The following DYM variants were observed in gnomAD, a reference collection of about 807,000 sequenced individuals.
The protein encoded by DYM is dymeclin.
In DYM, 78 loss-of-function variants were observed where a neutral mutation model predicts 93.1. The ratio of observed to expected loss-of-function variants is 0.84; its 90% CI spans 0.70 to 1.01. The LOEUF (loss-of-function observed/expected upper bound fraction) is 1.01, where lower values mean the gene tolerates loss of function less well. Ranked by LOEUF, DYM falls within the 50% of genes least tolerant of loss-of-function variation. The pLI, the probability that DYM is intolerant of heterozygous loss-of-function variation, is 0.00. For missense variants in DYM, 789 were observed against 845.0 expected (o/e 0.93, Z 0.82); for synonymous variants, 321 against 319.7 (o/e 1.00, Z -0.04).
intron 13 of DYM, among the ~76,000 whole-genome samples, chr18:49,217,756 A>G (rs1047085039): frequency 6.6e-6 from 1 of 152,228 alleles, no homozygotes; most frequent in African/African-American, 2.4e-5. Context: ...TGAAGGAAGC[A>G]CTAAACATGG....
chr18:49,353,738 G>A (rs1206351273), intron 6 of DYM, among the ~76,000 whole-genome samples: 2 of 151,936 alleles, frequency 1.3e-5, no homozygotes, highest in African/African-American at 4.8e-5. Context: ...TATAAAAGCT[G>A]TATGAGCAAA....
Position 49,286,422 on chromosome 18 carries a change from A to T in DYM, c.946+12T>A, listed in dbSNP as rs1489474915. The stretch of plus-strand genomic sequence containing the variant: ...CCATTACAAAGAATATTAGAGAAAA[A>T]ATACCACAAACCTTGTGTGTTCTTG... On this transcript the variant is annotated intron_variant, in intron 9 of 17. Transcript: ENST00000675505. 3 of 1,614,042 alleles carry T rather than the reference A, an allele frequency of 1.9e-6. No individual in the cohort carries two copies. The highest frequency in any genetic ancestry group is 2.2e-5 in the East Asian group (1 of 44,888).
rs556008002 is a variant in DYM, at chr18:49,351,546, A to T, written c.494+11615T>A. 2.5e-3 allele frequency among the ~76,000 whole-genome samples: 375 copies of T among 152,194 alleles called. 2 individuals are homozygous for T. Among genetic ancestry groups the T allele is most frequent in the Non-Finnish European group, 4.4e-3 (301 of 67,998 alleles). On this transcript the variant is annotated intron_variant, in intron 6 of 17. Transcript: ENST00000675505. Reference sequence around the variant, plus strand: ...ACACATCACCATATTTCAGAATTCTAAAGACAAACCCAAGATTCTAAAATC... The same window carrying T: ...ACACATCACCATATTTCAGAATTCTTAAGACAAACCCAAGATTCTAAAATC...
intron 13 of DYM, among the ~76,000 whole-genome samples, chr18:49,230,795 T>C (rs2093672384): frequency 6.6e-6 from 1 of 152,184 alleles, no homozygotes; most frequent in African/African-American, 2.4e-5. Flanking sequence ...ATTTTCTCCT[T>C]AAGAATCCAC....
At chr18:49,226,886 T>C (rs1250307689) in intron 13 of DYM, among the ~76,000 whole-genome samples, 1 of 152,054 alleles carries the variant, frequency 6.6e-6, no homozygotes, top group East Asian at 1.9e-4. Context: ...AAAATAGCCA[T>C]CAAAGACATA....
At chr18:49,222,521 G>A (rs2093400500) in intron 13 of DYM, among the ~76,000 whole-genome samples, 1 of 151,966 alleles carries the variant, frequency 6.6e-6, no homozygotes, top group African/African-American at 2.4e-5. Context: ...AGACATAAGA[G>A]GCAACATAAG....
At chr18:49,316,255 C>T (rs572001606) in intron 8 of DYM, among the ~76,000 whole-genome samples, 44 of 152,240 alleles carry the variant, frequency 2.9e-4, no homozygotes, top group African/African-American at 1.1e-3. Context: ...ATACTCCAGG[C>T]TGGGTGACAG....
intron 17 of DYM, among the ~76,000 whole-genome samples, chr18:49,086,424 A>G (rs2078532312): frequency 1.3e-5 from 2 of 152,160 alleles, no homozygotes; most frequent in Non-Finnish European, 2.9e-5. Flanking sequence ...TAATCTAGTC[A>G]CAAGAGCAGA....
At chr18:49,068,222 G>T (rs1447272266) in intron 17 of DYM, among the ~76,000 whole-genome samples, 3 of 152,192 alleles carry the variant, frequency 2.0e-5, no homozygotes, top group Non-Finnish European at 4.4e-5. Context: ...GTGCAGTCAG[G>T]AAGTCCAGGA....
Position 49,312,956 on chromosome 18 carries a change from G to A in DYM, c.763+18908C>T, listed in dbSNP as rs1175091756. Among the ~76,000 whole-genome samples the A allele has an allele frequency of 2.0e-5, 3 of 152,274 alleles. No homozygotes were observed. The East Asian group carries it at 5.8e-4, about 29-fold the overall frequency. On this transcript the variant is annotated intron_variant, in intron 8 of 17. Transcript: ENST00000675505. ...TGCCACAAAGTTAGAAGAGAGGTGGGTGCCAGAGATAAGGCGTTATGTACA... is the reference window on the plus strand; with the variant it reads ...TGCCACAAAGTTAGAAGAGAGGTGGATGCCAGAGATAAGGCGTTATGTACA...
At chr18:49,397,104 T>C (rs935186032) in intron 2 of DYM, among the ~76,000 whole-genome samples, 1 of 152,220 alleles carries the variant, frequency 6.6e-6, no homozygotes, top group African/African-American at 2.4e-5. Context: ...GTGATGGATA[T>C]GCTAATTGCC....
At chr18:49,177,003 T>C (rs1467286327) in intron 14 of DYM, among the ~76,000 whole-genome samples, 2 of 152,190 alleles carry the variant, frequency 1.3e-5, no homozygotes. Flanking sequence ...TGAAAGAAGT[T>C]TGGTTGTCTT....
chr18:49,117,320 A>G (rs1051325919), intron 16 of DYM, among the ~76,000 whole-genome samples: 1 of 152,200 alleles, frequency 6.6e-6, no homozygotes, highest in African/African-American at 2.4e-5. Flanking sequence ...TTTTAATATT[A>G]ATTTCTGTTT....
At chr18:49,146,297 C>A (rs1366332443) in intron 15 of DYM, among the ~76,000 whole-genome samples, 4 of 152,204 alleles carry the variant, frequency 2.6e-5, no homozygotes, top group African/African-American at 9.7e-5. Context: ...GACAGGGATG[C>A]CTTCTCTCAC....
intron 14 of DYM, among the ~76,000 whole-genome samples, chr18:49,192,528 C>T (rs1163266513): frequency 6.6e-6 from 1 of 152,194 alleles, no homozygotes; most frequent in Non-Finnish European, 1.5e-5. Flanking sequence ...ATTGAAGACA[C>T]TGTCCTTTCC....
At chr18:49,372,111 C>A (rs567047820) in intron 5 of DYM, among the ~76,000 whole-genome samples, 1 of 152,294 alleles carries the variant, frequency 6.6e-6, no homozygotes, top group South Asian at 2.1e-4. Context: ...ACAACCTGTA[C>A]CACTGTATAT....
chr18:49,288,728 C>T lies in DYM; in HGVS notation c.764-2112G>A, dbSNP rs1029349224. On this transcript the variant is annotated intron_variant, in intron 8 of 17. Coordinates refer to ENST00000675505, the MANE Select transcript of DYM (RefSeq NM_001353214.3). The stretch of plus-strand genomic sequence containing the variant: ...CCGAGAGGCAGAGGTTGCAGTGAGC[C>T]GAGATCATGCCACTGCACTCCAGCC... 7.3e-5 allele frequency among the ~76,000 whole-genome samples: 11 copies of T among 151,558 alleles called. No individual in the cohort carries two copies. The East Asian group carries it at 1.2e-3, about 16-fold the overall frequency.
chr18:49,072,382 A>AT (rs2076962463), intron 17 of DYM, among the ~76,000 whole-genome samples: 1 of 152,182 alleles, frequency 6.6e-6, no homozygotes, highest in Non-Finnish European at 1.5e-5. Flanking sequence ...AAATGCCAAC[A>AT]TAAAAAAAAA....
At chr18:49,239,620 A>G (rs912046029) in intron 13 of DYM, among the ~76,000 whole-genome samples, 1 of 152,244 alleles carries the variant, frequency 6.6e-6, no homozygotes, top group African/African-American at 2.4e-5. Context: ...TGCGGTGAGG[A>G]GGCCAAGCTT....
Sources: allele counts gnomAD v4.1 joint callset (sites outside exome capture counted in the v4.1 genomes callset), GRCh38; gene constraint gnomAD v4.1.1; transcripts MANE v1.5; gene names NCBI Gene and HGNC (gene_info 2026-07-23, HGNC 2026-07-21).